Variants in IL17B observed in about 807,000 individuals in gnomAD.
IL17B encodes the protein interleukin 17B.
Under a neutral mutation model 14.7 loss-of-function variants are expected in IL17B, and 14 were observed. That is an observed-to-expected ratio of 0.95 (90% CI 0.63 to 1.49). IL17B has a LOEUF of 1.49. Ranked by LOEUF, IL17B falls within the 40% of genes most tolerant of loss-of-function variation. The pLI is 0.00. For synonymous variants in IL17B, 105 were observed against 94.8 expected (o/e 1.11, Z -0.62); for missense variants, 233 against 252.8 (o/e 0.92, Z 0.53).
chr5:149,388,967 T>G (rs1758884675), intron 1 of IL17B, among the ~76,000 whole-genome samples: 1 of 152,242 alleles, frequency 6.6e-6, no homozygotes, highest in Non-Finnish European at 1.5e-5. Context: ...TTCACAGGTT[T>G]GCTATGAGGC....
upstream of IL17B, among the ~76,000 whole-genome samples, chr5:149,383,221 T>C (rs1758745063): frequency 6.6e-6 from 1 of 152,252 alleles, no homozygotes; most frequent in Non-Finnish European, 1.5e-5. Context: ...AGTACCCCAT[T>C]AATGGTAGCT....
intron 1 of IL17B, among the ~76,000 whole-genome samples, chr5:149,398,052 T>C (rs1396936196): frequency 6.6e-6 from 1 of 152,150 alleles, no homozygotes; most frequent in Admixed American, 6.5e-5. Flanking sequence ...CCCGACATAA[T>C]GCTATATTAG....
rs754641817 is a variant in IL17B, at chr5:149,374,648, G to C, written c.312-48C>G. On this transcript the variant is annotated intron_variant, in intron 2 of 2. Transcript: ENST00000261796. This position sits in a 1 kb window ranked among gnomAD's most constrained non-coding sequence, Gnocchi z 5.0. ...CAGAGCGGAAGGTGATCAGGAAAGG[G>C]CCAGTCAGCACCCATACTCCACACC... 1 of 1,472,616 alleles carries C rather than the reference G, an allele frequency of 6.8e-7. No homozygotes were observed. The highest frequency in any genetic ancestry group is 1.2e-5 in the South Asian group (1 of 83,824). 91.2% of individuals were successfully genotyped at this position (1,472,616 alleles called of 1,614,324 possible).
At chr5:149,392,947 C>T (rs538553637) in intron 1 of IL17B, among the ~76,000 whole-genome samples, 250 of 149,446 alleles carry the variant, frequency 1.7e-3, no homozygotes, top group African/African-American at 5.6e-3. Flanking sequence ...TGCGTGTGTG[C>T]GTGCGTGTGT....
chr5:149,379,123 G>T, intron 1 of IL17B, 82 bp downstream of exon 1: 1 of 1,525,380 alleles, frequency 6.6e-7, no homozygotes, highest in Non-Finnish European at 9.1e-7. Flanking sequence ...AACAGAGGCA[G>T]CCATTAATAA....
intron 1 of IL17B, among the ~76,000 whole-genome samples, chr5:149,388,576 G>A (rs1392998575): frequency 2.0e-5 from 3 of 152,176 alleles, no homozygotes; most frequent in African/African-American, 7.2e-5. Context: ...AATATACAGA[G>A]CAAAACTGTT....
upstream of IL17B, chr5:149,379,399 G>T: frequency 2.8e-6 from 2 of 727,126 alleles, no homozygotes; most frequent in South Asian, 1.8e-5. Flanking sequence ...CCAGCTGGCT[G>T]AGCCTAGCGC....
chr5:149,392,965 TGTGCGCGC>T (rs1395907718), intron 1 of IL17B, among the ~76,000 whole-genome samples: 2 of 150,972 alleles, frequency 1.3e-5, no homozygotes, highest in East Asian at 2.0e-4. Context: ...TGTGCGTGTG[TGTGCGCGC>T]GTGCGTGTGT....
intron 1 of IL17B, 35 bp from the exon 2 acceptor site, chr5:149,377,060 G>C (rs1758564384): frequency 6.6e-7 from 1 of 1,507,636 alleles, no homozygotes; most frequent in Non-Finnish European, 8.9e-7. Flanking sequence ...AGGTGGGAGA[G>C]CCAAGTCTCT....
At chr5:149,393,013 GTC>G (rs1420637777) in intron 1 of IL17B, among the ~76,000 whole-genome samples, 36 of 151,572 alleles carry the variant, frequency 2.4e-4, no homozygotes, top group African/African-American at 8.2e-4. Context: ...GTGTGTGCAT[GTC>G]TGCGTGTGTG....
In IL17B at chr5:149,379,200, C is replaced by T. The variant is rs1453826422; in HGVS notation, c.21+5G>A. 3.7e-6 allele frequency: 6 copies of T among 1,614,078 alleles called. No individual in the cohort carries two copies. Among genetic ancestry groups the T allele is most frequent in the East Asian group, 2.2e-5 (1 of 44,884 alleles). ...GTGGGGGTGCGGCAGGGAAGCGCCA[C>T]GTACCAGGTTGTGAGGCCAGTCCAT... On this transcript the variant is annotated splice_donor_5th_base_variant and intron_variant, in intron 1 of 2. Transcript: ENST00000261796.
intron 1 of IL17B, among the ~76,000 whole-genome samples, chr5:149,402,498 T>G (rs1277817074): frequency 7.2e-5 from 11 of 152,072 alleles, no homozygotes; most frequent in Admixed American, 7.2e-4. Context: ...GATACTACCT[T>G]TGGGCACTCC....
Position 149,376,921 on chromosome 5 carries a change from A to AGGGCCAG in IL17B, c.119_125dup (p.His43TrpfsTer23). ...ACACCAGGTCCAGTGGCACCTGGTG[A>AGGGCCAG]GGGCCAGGGGCCAGGGGCCCAGGCC... is the stretch of plus-strand genomic sequence containing the variant. On this transcript the variant is annotated frameshift_variant, in exon 2 of 3. Transcript: ENST00000261796. LOFTEE classifies it high-confidence loss of function. 1 of 1,613,888 alleles carries AGGGCCAG rather than the reference A, an allele frequency of 6.2e-7. No homozygotes were observed. Among genetic ancestry groups the AGGGCCAG allele is most frequent in the Non-Finnish European group, 8.5e-7 (1 of 1,179,872 alleles).
intron 1 of IL17B, among the ~76,000 whole-genome samples, chr5:149,397,792 C>A (rs899285848): frequency 3.3e-5 from 5 of 152,146 alleles, no homozygotes; most frequent in Admixed American, 2.0e-4. Context: ...AGGCAGAAAG[C>A]CCCAGGACCC....
intron 1 of IL17B, among the ~76,000 whole-genome samples, chr5:149,396,796 C>T (rs941696334): frequency 6.6e-6 from 1 of 152,120 alleles, no homozygotes; most frequent in Non-Finnish European, 1.5e-5. Context: ...GAATAGTTCA[C>T]CATGTAATGT....
At chr5:149,391,467 A>C (rs889167215) in intron 1 of IL17B, among the ~76,000 whole-genome samples, 5 of 152,212 alleles carry the variant, frequency 3.3e-5, no homozygotes, top group African/African-American at 1.2e-4. Flanking sequence ...TTCAGTTCCC[A>C]ACCCACACAA....
chr5:149,402,500 G>C (rs1411473997), intron 1 of IL17B, among the ~76,000 whole-genome samples: 1 of 151,948 alleles, frequency 6.6e-6, no homozygotes. Context: ...TACTACCTTT[G>C]GGCACTCCAC....
chr5:149,392,574 T>C lies in IL17B; in HGVS notation n.95+11534A>G, dbSNP rs530162766. Among the ~76,000 whole-genome samples, 13 of 152,324 alleles carry C rather than the reference T, an allele frequency of 8.5e-5. No individual in the cohort carries two copies. In the East Asian group the frequency reaches 2.5e-3, roughly 29 times the overall value. On this transcript the variant is annotated intron_variant and non_coding_transcript_variant, in intron 1 of 2. Coordinates refer to the IL17B transcript ENST00000505432. ...TGTGCTTGCATTTGCATAGACTCTCTGGAAGTCTATATAAAAATTTAGAGT... is the reference window on the plus strand; with the variant it reads ...TGTGCTTGCATTTGCATAGACTCTCCGGAAGTCTATATAAAAATTTAGAGT...
At chr5:149,387,183 T>A (rs1341905505) in intron 1 of IL17B, among the ~76,000 whole-genome samples, 3 of 152,218 alleles carry the variant, frequency 2.0e-5, no homozygotes, top group African/African-American at 2.4e-5. Flanking sequence ...CCTCGGGGCA[T>A]GTGGAGGAAG....
Sources: gnomAD v4.1 joint callset for allele counts (sites outside exome capture counted in the v4.1 genomes callset) on GRCh38, gnomAD v4.1.1 for gene constraint, Gnocchi (gnomAD v3.1) non-coding constraint, MANE v1.5 for transcripts, NCBI Gene and HGNC (gene_info 2026-07-23, HGNC 2026-07-21) for gene names.